The following TRMT10A variants were observed in gnomAD, a reference collection of about 807,000 sequenced individuals.
TRMT10A encodes tRNA methyltransferase 10A, also known as tRNA methyltransferase 10 homolog A.
TRMT10A carries 37 observed loss-of-function variants against 40.4 expected under a neutral mutation model. That is an observed-to-expected ratio of 0.92 (90% CI 0.71 to 1.21). The LOEUF is 1.21. TRMT10A is among the 50% of genes most tolerant of loss of function. The probability of loss-of-function intolerance (pLI) is 0.00; values close to 1 mark genes in which losing one functional copy is unlikely to be tolerated. For synonymous variants in TRMT10A, 103 were observed against 134.1 expected (o/e 0.77, Z 1.60); for missense variants, 388 against 404.3 (o/e 0.96, Z 0.35).
rs1195257987 is a variant in TRMT10A at position 99,563,920 on chromosome 4, A to C, written c.-31T>G. 1 of 785,278 alleles carries C rather than the reference A, an allele frequency of 1.3e-6. No individual in the cohort carries two copies. Among genetic ancestry groups the C allele is most frequent in the Non-Finnish European group, 2.2e-6 (1 of 462,452 alleles). The allele number at this position is 785,278 out of a possible 1,614,324, so 48.6% of individuals were successfully genotyped here. A position where few individuals can be genotyped will look rare whatever the true frequency, so the allele number is the denominator to read the frequency against. ...CAGTGCCAGGACACTTACCGAGCTGAAGAGTTGACAGGGAAGTGAAATCTC... is the reference window on the plus strand; with the variant it reads ...CAGTGCCAGGACACTTACCGAGCTGCAGAGTTGACAGGGAAGTGAAATCTC... On this transcript the variant is annotated 5_prime_UTR_variant, in exon 1 of 8. Coordinates refer to ENST00000394876, the MANE Select transcript of TRMT10A (RefSeq NM_001134665.3).
At chr4:99,551,414 G>A (rs1209541375) in intron 6 of TRMT10A, among the ~76,000 whole-genome samples, 1 of 152,086 alleles carries the variant, frequency 6.6e-6, no homozygotes, top group Non-Finnish European at 1.5e-5. Context: ...ATATACAGTG[G>A]TAGTCCCATA....
intron 6 of TRMT10A, among the ~76,000 whole-genome samples, chr4:99,552,216 C>T (rs565640023): frequency 6.6e-6 from 1 of 152,256 alleles, no homozygotes; most frequent in Non-Finnish European, 1.5e-5. Flanking sequence ...TCCAGGTCTT[C>T]ACATTTAATT....
chr4:99,550,814 A>T, intron 7 of TRMT10A, 71 bp downstream of exon 7: 1 of 1,107,700 alleles, frequency 9.0e-7, no homozygotes, highest in South Asian at 1.4e-5. Context: ...TACTTGTTCA[A>T]ATACTAAATG....
chr4:99,554,367 T>C (rs1724077822), intron 5 of TRMT10A, among the ~76,000 whole-genome samples: 1 of 152,202 alleles, frequency 6.6e-6, no homozygotes, highest in Admixed American at 6.5e-5. Flanking sequence ...TTTGCTCACA[T>C]TGTTCTATGA....
intron 7 of TRMT10A, among the ~76,000 whole-genome samples, chr4:99,550,285 G>A (rs892413013): frequency 1.3e-5 from 2 of 152,170 alleles, no homozygotes; most frequent in African/African-American, 2.4e-5. Flanking sequence ...CACCTCCTGA[G>A]CTCAGGTGAT....
Position 99,556,223 on chromosome 4 carries a change from G to A in TRMT10A, c.421-3C>T, listed in dbSNP as rs760570532. On this transcript the variant is annotated splice_region_variant and splice_polypyrimidine_tract_variant and intron_variant, in intron 4 of 7. Transcript: ENST00000394876. Reference sequence around the variant, plus strand: ...CCTCCGTGGCTTGTCAAGTAAAACTGATAAAAGATTTGTAAGTATAGAAAA... The same window carrying A: ...CCTCCGTGGCTTGTCAAGTAAAACTAATAAAAGATTTGTAAGTATAGAAAA... The A allele has an allele frequency of 6.2e-7, 1 of 1,611,652 alleles. No individual in the cohort carries two copies. Among genetic ancestry groups the A allele is most frequent in the Non-Finnish European group, 8.5e-7 (1 of 1,178,640 alleles).
intron 4 of TRMT10A, among the ~76,000 whole-genome samples, chr4:99,556,738 A>G (rs35074439): frequency 0.071 from 10,839 of 152,222 alleles, 653 homozygotes; most frequent in African/African-American, 0.16. Context: ...CACTTGGTAA[A>G]AACAAAATAT....
At chr4:99,550,128 T>C (rs1386314810) in intron 7 of TRMT10A, among the ~76,000 whole-genome samples, 1 of 152,142 alleles carries the variant, frequency 6.6e-6, no homozygotes, top group East Asian at 1.9e-4. Flanking sequence ...AATTCAACCA[T>C]AGTAGAATGG....
rs1340880635 is a variant in TRMT10A at position 99,548,968 on chromosome 4, A to T, written c.*120T>A. On this transcript the variant is annotated 3_prime_UTR_variant, in exon 8 of 8. Transcript: ENST00000394876. Reference sequence around the variant, plus strand: ...TTTATTATTATTTAGGTCCAAAAAAAAGTTTTTAAAAATCACAACAGAAAT... The same window carrying T: ...TTTATTATTATTTAGGTCCAAAAAATAGTTTTTAAAAATCACAACAGAAAT... 4 of 1,102,462 alleles carry T rather than the reference A, an allele frequency of 3.6e-6. No individual in the cohort carries two copies. Among genetic ancestry groups the T allele is most frequent in the Non-Finnish European group, 4.9e-6 (4 of 821,538 alleles). 68.3% of individuals were successfully genotyped at this position (1,102,462 alleles called of 1,614,324 possible). A position where few individuals can be genotyped will look rare whatever the true frequency, so the allele number is the denominator to read the frequency against.
intron 6 of TRMT10A, among the ~76,000 whole-genome samples, chr4:99,553,055 A>G (rs1724024295): frequency 6.6e-6 from 1 of 152,182 alleles, no homozygotes; most frequent in Admixed American, 6.5e-5. Context: ...GATCATTCTG[A>G]TAAAATTCCC....
At chr4:99,555,715 T>C (rs1454042062) in intron 5 of TRMT10A, among the ~76,000 whole-genome samples, 1 of 152,154 alleles carries the variant, frequency 6.6e-6, no homozygotes, top group Non-Finnish European at 1.5e-5. Flanking sequence ...ACATCTCAAT[T>C]CACAATTCAG....
At chr4:99,561,776 G>A (rs1364520047) in intron 1 of TRMT10A, among the ~76,000 whole-genome samples, 4 of 152,138 alleles carry the variant, frequency 2.6e-5, no homozygotes, top group African/African-American at 9.7e-5. Flanking sequence ...AAAATTCCAT[G>A]GCAGAGTTTT....
intron 1 of TRMT10A, among the ~76,000 whole-genome samples, chr4:99,562,903 C>A (rs186839369): frequency 6.6e-6 from 1 of 151,994 alleles, no homozygotes. Flanking sequence ...CTGATTGCAA[C>A]CTCCGCCTTC....
chr4:99,562,203 G>A (rs897137160), intron 1 of TRMT10A, among the ~76,000 whole-genome samples: 10 of 129,056 alleles, frequency 7.7e-5, no homozygotes, highest in African/African-American at 1.6e-4. Context: ...ATATATATAT[G>A]TGTGTGTGTG....
Position 99,549,359 on chromosome 4 carries a change from G to T in TRMT10A, c.752-3C>A. The T allele has an allele frequency of 6.2e-7, 1 of 1,613,458 alleles. No individual in the cohort carries two copies. The highest frequency in any genetic ancestry group is 8.5e-7 in the Non-Finnish European group (1 of 1,179,620). ...GTATTCCAGAATAATTTCAAACACT[G>T]CAATAAAGACATATTCCGTACATTT... On this transcript the variant is annotated splice_region_variant and splice_polypyrimidine_tract_variant and intron_variant, in intron 7 of 7. Coordinates refer to ENST00000394876, the MANE Select transcript of TRMT10A (RefSeq NM_001134665.3).
chr4:99,555,061 C>G (rs577724671), intron 5 of TRMT10A, among the ~76,000 whole-genome samples: 1 of 152,180 alleles, frequency 6.6e-6, no homozygotes, highest in African/African-American at 2.4e-5. Flanking sequence ...CCAAGAGGAA[C>G]CTGATTAATT....
At chr4:99,554,165 C>T (rs764247560) in intron 5 of TRMT10A, among the ~76,000 whole-genome samples, 2 of 152,144 alleles carry the variant, frequency 1.3e-5, no homozygotes, top group Non-Finnish European at 2.9e-5. Context: ...TGGCCTCAGA[C>T]CCCTCCAACC....
In TRMT10A at chr4:99,558,061, C is replaced by G; in HGVS notation, c.336G>C (p.Leu112Phe). 6.3e-7 allele frequency: 1 copy of G among 1,592,144 alleles called. No individual in the cohort carries two copies. The highest frequency in any genetic ancestry group is 8.5e-7 in the Non-Finnish European group (1 of 1,173,502). ...RLIIDCSFDH[L>F]MVLKDIKKLH... is the part of the protein sequence containing the mutation. Reference sequence around the variant, plus strand: ...TGATTCATGATACCTTTAATACCATCAAGTGATCAAAACTACAGTCAATAA... The same window carrying G: ...TGATTCATGATACCTTTAATACCATGAAGTGATCAAAACTACAGTCAATAA... The change falls in exon 3 of 8, where the codon TTG becomes TTC. Residue 112 changes from leucine to phenylalanine, a missense_variant. Coordinates refer to ENST00000394876, the MANE Select transcript of TRMT10A (RefSeq NM_001134665.3).
chr4:99,560,051 T>C (rs904821644), intron 1 of TRMT10A, among the ~76,000 whole-genome samples: 2 of 151,728 alleles, frequency 1.3e-5, no homozygotes, highest in African/African-American at 4.8e-5. Flanking sequence ...TAAAAAGAGA[T>C]GAAAAGCATC....
Sources: allele counts gnomAD v4.1 joint callset (sites outside exome capture counted in the v4.1 genomes callset), GRCh38; gene constraint gnomAD v4.1.1; transcripts MANE v1.5; gene names NCBI Gene and HGNC (gene_info 2026-07-23, HGNC 2026-07-21).